UNC13B: variants seen among roughly 807,000 people sequenced by gnomAD.
The protein encoded by UNC13B is protein unc-13 homolog B.
A neutral mutation model predicts 211.0 loss-of-function variants in UNC13B; 144 were observed. The observed-to-expected ratio is 0.68, with a 90% CI of 0.60 to 0.78. UNC13B has a LOEUF of 0.78. Among genes scored for constraint, UNC13B ranks in the 30% least tolerant of loss-of-function variants. The pLI, the probability that UNC13B is intolerant of heterozygous loss-of-function variation, is 0.00. For synonymous variants in UNC13B, 709 were observed against 725.8 expected, an observed-to-expected ratio of 0.98 and a Z score of 0.37; for missense variants, 1,777 against 2,002.0, an observed-to-expected ratio of 0.89 and a Z score of 2.14.
chr9:35,253,449 A>T (rs936939136), intron 6 of UNC13B, among the ~76,000 whole-genome samples: 2 of 147,438 alleles, frequency 1.4e-5, no homozygotes, highest in African/African-American at 4.9e-5. Context: ...TATTTTTATC[A>T]TGAAAAAAAT....
At position 35,385,431 on chromosome 9, in the gene UNC13B, T is replaced by TGTGCCTGTGTGTTCCTTTGTAC. The variant is rs965846857; in HGVS notation, c.10876-292_10876-271dup. The TGTGCCTGTGTGTTCCTTTGTAC allele has an allele frequency of 3.0e-6, 3 of 985,338 alleles. No homozygotes were observed. The African/African-American group carries it at 5.2e-5, about 17-fold the overall frequency. The allele number at this position is 985,338 out of a possible 1,614,324, so 61.0% of individuals were successfully genotyped here. A position where few individuals can be genotyped will look rare whatever the true frequency, so the allele number is the denominator to read the frequency against. On this transcript the variant is annotated intron_variant, in intron 22 of 39. Coordinates refer to ENST00000635942, the MANE Select transcript of UNC13B (RefSeq NM_001371189.2). Reference sequence around the variant, plus strand: ...AAAAAAGCATGTGTGTAAGTTTGTGTGTGCCTGTGTGTTCCTTTGTACAAG... The same window carrying TGTGCCTGTGTGTTCCTTTGTAC: ...AAAAAAGCATGTGTGTAAGTTTGTGTGTGCCTGTGTGTTCCTTTGTACGTGCCTGTGTGTTCCTTTGTACAAG...
chr9:35,294,329 C>T (rs1226859892), intron 7 of UNC13B, among the ~76,000 whole-genome samples: 7 of 150,142 alleles, frequency 4.7e-5, no homozygotes, highest in Non-Finnish European at 7.4e-5. Flanking sequence ...TTTTTTGAGA[C>T]GGAGCCTTGC....
chr9:35,264,780 G>A (rs577971054), intron 7 of UNC13B, among the ~76,000 whole-genome samples: 13 of 152,278 alleles, frequency 8.5e-5, no homozygotes, highest in African/African-American at 3.1e-4. Context: ...AAGCCAAAGA[G>A]AATTATTCTT....
rs1375455021 is a variant in UNC13B, at chr9:35,234,001, T to G, written c.153-2468T>G. ...TCTCTGAAGAGCAGATTTTCTTCTT[T>G]ATCTGTTCAAGTCAAGCTGTTGAAG... is the stretch of plus-strand genomic sequence containing the variant. On this transcript the variant is annotated intron_variant, in intron 3 of 39. Coordinates refer to ENST00000635942, the MANE Select transcript of UNC13B (RefSeq NM_001371189.2). Among the ~76,000 whole-genome samples the G allele has an allele frequency of 2.0e-5, 3 of 152,230 alleles. No homozygotes were observed. The East Asian group carries it at 5.8e-4, about 29-fold the overall frequency.
chr9:35,234,220 A>G (rs981077590), intron 3 of UNC13B, among the ~76,000 whole-genome samples: 7 of 151,932 alleles, frequency 4.6e-5, no homozygotes, highest in African/African-American at 1.7e-4. Flanking sequence ...GGCTCAAATG[A>G]TTTTCCTGCC....
In UNC13B at chr9:35,297,556, T is replaced by TG. The variant is rs1229711261; in HGVS notation, c.761+1626_761+1627insG. Among the ~76,000 whole-genome samples the TG allele has an allele frequency of 1.5e-4, 21 of 143,776 alleles. No homozygotes were observed. In the East Asian group the frequency reaches 4.1e-3, roughly 28 times the overall value. The allele number at this position is 143,776 out of a possible 152,430, so 94.3% of individuals were successfully genotyped here. ...GAAGCACATACTTTGTCTTTTTTTT[T>TG]TTTTTTTTTTTGAGACGGAGTCTCG... On this transcript the variant is annotated intron_variant, in intron 8 of 39. Coordinates refer to ENST00000635942, the MANE Select transcript of UNC13B (RefSeq NM_001371189.2).
chr9:35,165,620 T>A (rs894362039), intron 1 of UNC13B, among the ~76,000 whole-genome samples: 2 of 151,922 alleles, frequency 1.3e-5, no homozygotes, highest in Admixed American at 6.6e-5. Flanking sequence ...GGTTTCACCA[T>A]GTTGGCCAGG....
At chr9:35,369,432 A>G (rs1029256644) in intron 12 of UNC13B, among the ~76,000 whole-genome samples, 1 of 152,240 alleles carries the variant, frequency 6.6e-6, no homozygotes, top group East Asian at 1.9e-4. Flanking sequence ...GACATAGTAC[A>G]TTAATAGAAG....
At chr9:35,367,896 A>G (rs752770399) in intron 12 of UNC13B, among the ~76,000 whole-genome samples, 1 of 152,156 alleles carries the variant, frequency 6.6e-6, no homozygotes, top group Non-Finnish European at 1.5e-5. Flanking sequence ...AATACCACCA[A>G]TTAGTTATCT....
Position 35,332,757 on chromosome 9 carries a change from T to C in UNC13B, c.9414+18768T>C, listed in dbSNP as rs992752367. 2.8e-4 allele frequency among the ~76,000 whole-genome samples: 43 copies of C among 152,216 alleles called. 1 individual carries two copies. Among genetic ancestry groups the C allele is most frequent in the Admixed American group, 2.4e-3 (37 of 15,282 alleles). On this transcript the variant is annotated intron_variant, in intron 11 of 39. Transcript: ENST00000635942. ...TTGGATGTCACATTCTTTGAAGCCT[T>C]TCCCAAAGTGCCCAGGCCAAGTTAG...
chr9:35,200,658 A>G (rs930763063), intron 1 of UNC13B, among the ~76,000 whole-genome samples: 2 of 152,108 alleles, frequency 1.3e-5, no homozygotes, highest in African/African-American at 4.8e-5. Flanking sequence ...GTGTATAGGA[A>G]TGCTTGTGAT....
intron 3 of UNC13B, among the ~76,000 whole-genome samples, chr9:35,232,176 G>GTTTTTTTTTTTTTT (rs1564081816): frequency 5.9e-5 from 1 of 16,976 alleles, no homozygotes; most frequent in African/African-American, 2.2e-4. Flanking sequence ...GTATATTGCT[G>GTTTTTTTTTTTTTT]CTTTTTTTTT....
chr9:35,384,686 C>T (rs1392231234), intron 22 of UNC13B: 4 of 985,394 alleles, frequency 4.1e-6, no homozygotes, highest in East Asian at 1.1e-4. Flanking sequence ...ATACTCTCCT[C>T]GTTTTCCAGC....
chr9:35,338,870 C>T lies in UNC13B; in HGVS notation c.9414+24881C>T, dbSNP rs190760780. On this transcript the variant is annotated intron_variant, in intron 11 of 39. Transcript: ENST00000635942. ...TTGCTTCTAGACCAGTTGTATCTGA[C>T]GTCAGGGAGACTTAGACTGGTTTGT... Among the ~76,000 whole-genome samples the T allele has an allele frequency of 4.9e-4, 75 of 152,296 alleles. 1 individual carries two copies. Among genetic ancestry groups the T allele is most frequent in the Non-Finnish European group, 7.8e-4 (53 of 68,038 alleles).
At chr9:35,268,250 C>A (rs893367330) in intron 7 of UNC13B, among the ~76,000 whole-genome samples, 4 of 152,202 alleles carry the variant, frequency 2.6e-5, no homozygotes, top group African/African-American at 9.6e-5. Context: ...CAATTGCTCT[C>A]CCAAAGGTTG....
chr9:35,256,289 G>A (rs1484276703), intron 6 of UNC13B, among the ~76,000 whole-genome samples: 4 of 151,778 alleles, frequency 2.6e-5, no homozygotes, highest in African/African-American at 7.3e-5. Context: ...GTCTCCTTAG[G>A]CTTCTCTTGG....
chr9:35,258,939 T>G, intron 6 of UNC13B, 54 bp from the exon 7 acceptor site: 1 of 1,576,518 alleles, frequency 6.3e-7, no homozygotes, highest in Middle Eastern at 1.7e-4. Context: ...TTCCCTGTCT[T>G]TACTTGGGCT....
chr9:35,311,962 C>T (rs1372906552), intron 10 of UNC13B, among the ~76,000 whole-genome samples: 1 of 152,162 alleles, frequency 6.6e-6, no homozygotes, highest in East Asian at 1.9e-4. Flanking sequence ...TTCTCAGTCT[C>T]GGCACTCGTG....
In UNC13B at chr9:35,228,077, T is replaced by G. The variant is rs185024855; in HGVS notation, c.52+33T>G. 1.6e-5 allele frequency: 26 copies of G among 1,582,162 alleles called. No homozygotes were observed. In the African/African-American group the frequency reaches 2.9e-4, roughly 17 times the overall value. Reference sequence around the variant, plus strand: ...CAGCTTTCTATTATGTCTTTTCCTCTTGTATTTGCTGTTATTTCAAAGCAA... The same window carrying G: ...CAGCTTTCTATTATGTCTTTTCCTCGTGTATTTGCTGTTATTTCAAAGCAA... On this transcript the variant is annotated intron_variant, in intron 2 of 39. Transcript: ENST00000635942.
Sources: gnomAD v4.1 joint callset for allele counts (sites outside exome capture counted in the v4.1 genomes callset) on GRCh38, gnomAD v4.1.1 for gene constraint, MANE v1.5 for transcripts, NCBI Gene and HGNC (gene_info 2026-07-23, HGNC 2026-07-21) for gene names.